Variants in KAT6B observed in about 807,000 individuals in gnomAD.
The protein encoded by KAT6B is lysine acetyltransferase 6B, also known as histone acetyltransferase KAT6B.
In KAT6B, 10 loss-of-function variants were observed where a neutral mutation model predicts 187.5. The observed-to-expected ratio is 0.05, with a 90% CI of 0.03 to 0.09. The LOEUF is 0.09. Among genes scored for constraint, KAT6B ranks in the 10% least tolerant of loss-of-function variants. KAT6B has a pLI of 1.00. For missense variants in KAT6B, 1,952 were observed against 2,558.9 expected, an observed-to-expected ratio of 0.76 and a Z score of 5.12; for synonymous variants, 861 against 926.8, an observed-to-expected ratio of 0.93 and a Z score of 1.29.
intron 1 of KAT6B, among the ~76,000 whole-genome samples, chr10:74,836,235 G>C (rs1428284336): frequency 6.6e-6 from 1 of 152,170 alleles, no homozygotes; most frequent in African/African-American, 2.4e-5. Context: ...CATTTGGGCT[G>C]TTTACACCTT....
In KAT6B at chr10:75,031,100, A is replaced by G. The variant is rs1289508517; in HGVS notation, c.*54A>G. The G allele has an allele frequency of 4.4e-6, 7 of 1,599,754 alleles. No homozygotes were observed. The Admixed American group carries it at 1.2e-4, about 27-fold the overall frequency. On this transcript the variant is annotated 3_prime_UTR_variant, in exon 18 of 18. Transcript: ENST00000287239. ...GGGCATCACTATTGGATTGATCTGC[A>G]CAAATACCTTTGAAGAGTACGATTT... is the stretch of plus-strand genomic sequence containing the variant.
At chr10:74,881,895 G>A (rs1844875968) in intron 3 of KAT6B, among the ~76,000 whole-genome samples, 2 of 152,224 alleles carry the variant, frequency 1.3e-5, no homozygotes, top group East Asian at 1.9e-4. Flanking sequence ...GCCTCAAAGC[G>A]ATCCTCCTGC....
chr10:75,020,397 T>G (rs1336967956), intron 13 of KAT6B, among the ~76,000 whole-genome samples, 185 bp from the exon 14 acceptor site: 1 of 152,204 alleles, frequency 6.6e-6, no homozygotes, highest in African/African-American at 2.4e-5. Flanking sequence ...TGTCAAAGAT[T>G]CAGGAGCGTA....
chr10:74,943,060 A>T (rs1849812424), intron 3 of KAT6B, among the ~76,000 whole-genome samples: 1 of 152,168 alleles, frequency 6.6e-6, no homozygotes, highest in Admixed American at 6.5e-5. Context: ...CTAGTTTTAG[A>T]CCATATGGTC....
At chr10:74,951,593 T>C (rs557241734) in intron 3 of KAT6B, among the ~76,000 whole-genome samples, 3 of 152,356 alleles carry the variant, frequency 2.0e-5, no homozygotes, top group African/African-American at 7.2e-5. Flanking sequence ...TGACTATTAC[T>C]AAGCAAGCCC....
At chr10:74,827,452 G>T (rs1440690154) in intron 1 of KAT6B, among the ~76,000 whole-genome samples, 1 of 152,010 alleles carries the variant, frequency 6.6e-6, no homozygotes, top group Non-Finnish European at 1.5e-5. Flanking sequence ...ATGGGAAAGA[G>T]GTATCTGGGT....
chr10:74,958,295 G>T (rs1355163023), intron 3 of KAT6B, among the ~76,000 whole-genome samples: 1 of 152,190 alleles, frequency 6.6e-6, no homozygotes, highest in Non-Finnish European at 1.5e-5. Context: ...AATGCATTAG[G>T]CATTTGGGCT....
At chr10:74,981,684 T>C (rs1842527372) in intron 10 of KAT6B, 103 bp from the exon 11 acceptor site, 24 of 899,820 alleles carry the variant, frequency 2.7e-5, no homozygotes, top group South Asian at 2.2e-4. Context: ...TCCAATGTTA[T>C]TATACAGCCT....
chr10:75,018,650 G>A (rs1845166995), intron 13 of KAT6B, among the ~76,000 whole-genome samples: 1 of 152,116 alleles, frequency 6.6e-6, no homozygotes, highest in South Asian at 2.1e-4. Flanking sequence ...ATCATAGTGG[G>A]GGACATAAGG....
intron 13 of KAT6B, among the ~76,000 whole-genome samples, chr10:75,014,801 G>C (rs1463106925): frequency 1.3e-5 from 2 of 152,114 alleles, no homozygotes; most frequent in African/African-American, 4.8e-5. Flanking sequence ...GAAGCGATTT[G>C]GCAACTCAGT....
At chr10:75,027,408 A>G (rs1339308613) in intron 17 of KAT6B, among the ~76,000 whole-genome samples, 1 of 152,196 alleles carries the variant, frequency 6.6e-6, no homozygotes, top group Non-Finnish European at 1.5e-5. Flanking sequence ...ATTCTGGCAG[A>G]AGGGATATCT....
Position 74,839,358 on chromosome 10 carries a change from G to A in KAT6B, c.-259+606G>A, listed in dbSNP as rs376953643. Among the ~76,000 whole-genome samples, 44 of 151,550 alleles carry A rather than the reference G, an allele frequency of 2.9e-4. No homozygotes were observed. In the South Asian group the frequency reaches 8.4e-3, roughly 29 times the overall value. ...CGATTCTCCTGCCTTAGCCTCCTGA[G>A]TAGCTGGGATTACAGGCGCATGCCA... On this transcript the variant is annotated intron_variant, in intron 2 of 17. Transcript: ENST00000287239.
intron 2 of KAT6B, among the ~76,000 whole-genome samples, chr10:74,842,183 C>CT (rs1346178759): frequency 2.0e-5 from 3 of 151,898 alleles, no homozygotes; most frequent in East Asian, 1.9e-4. Flanking sequence ...ATTATTTACT[C>CT]TTTTTTTTAA....
chr10:74,944,415 G>T (rs1240948100), intron 3 of KAT6B, among the ~76,000 whole-genome samples: 1 of 152,202 alleles, frequency 6.6e-6, no homozygotes, highest in Admixed American at 6.5e-5. Context: ...ACAATATATT[G>T]CAGTGACCAT....
At chr10:74,964,782 C>T (rs1173781475) in intron 4 of KAT6B, among the ~76,000 whole-genome samples, 2 of 152,312 alleles carry the variant, frequency 1.3e-5, no homozygotes, top group South Asian at 2.1e-4. Context: ...AGTGGCACAC[C>T]GTTCGCTACT....
chr10:74,973,108 A>G (rs148065011), intron 7 of KAT6B, among the ~76,000 whole-genome samples: 1 of 152,350 alleles, frequency 6.6e-6, no homozygotes, highest in East Asian at 1.9e-4. Flanking sequence ...GATCTCTTTT[A>G]TGAAATAGGA....
At chr10:74,994,294 T>A (rs1290128587) in intron 13 of KAT6B, among the ~76,000 whole-genome samples, 1 of 152,234 alleles carries the variant, frequency 6.6e-6, no homozygotes, top group Non-Finnish European at 1.5e-5. Flanking sequence ...CATCAAATTG[T>A]CCCAGATTTA....
chr10:74,838,615 C>G (rs151135603), intron 1 of KAT6B, 68 bp from the exon 2 acceptor site: 330 of 152,210 alleles, frequency 2.2e-3, no homozygotes, highest in African/African-American at 7.6e-3. Context: ...TGTGGAGATA[C>G]ACGGATGGTT....
At chr10:74,860,640 A>G (rs1252962836) in intron 3 of KAT6B, among the ~76,000 whole-genome samples, 1 of 152,214 alleles carries the variant, frequency 6.6e-6, no homozygotes, top group Admixed American at 6.5e-5. Flanking sequence ...AATTCTTGCA[A>G]TATATAAAAC....
Sources: allele counts gnomAD v4.1 joint callset (sites outside exome capture counted in the v4.1 genomes callset), GRCh38; gene constraint gnomAD v4.1.1; transcripts MANE v1.5; gene names NCBI Gene and HGNC (gene_info 2026-07-23, HGNC 2026-07-21).